Variants in CRHBP observed in about 807,000 individuals in gnomAD.
CRHBP encodes corticotropin releasing hormone binding protein.
Under a neutral mutation model 34.9 loss-of-function variants are expected in CRHBP, and 19 were observed. The ratio of observed to expected loss-of-function variants is 0.55; its 90% CI spans 0.38 to 0.80. CRHBP has a LOEUF of 0.80. Ranked by LOEUF, CRHBP falls within the 30% of genes least tolerant of loss-of-function variation. The pLI is 0.00. For missense variants in CRHBP, 328 were observed against 409.2 expected (o/e 0.80, Z 1.71); for synonymous variants, 154 against 153.4 (o/e 1.00, Z -0.03).
chr5:76,956,060 G>T (rs1745664072), intron 4 of CRHBP, among the ~76,000 whole-genome samples, 197 bp downstream of exon 4: 1 of 152,106 alleles, frequency 6.6e-6, no homozygotes, highest in Non-Finnish European at 1.5e-5. Context: ...TATTTCCCAG[G>T]TTAGGTAGTA....
chr5:76,970,735 T>G (rs1362571144), downstream of CRHBP, among the ~76,000 whole-genome samples: 1 of 152,210 alleles, frequency 6.6e-6, no homozygotes, highest in East Asian at 1.9e-4. Flanking sequence ...ACCTTCATGA[T>G]TCCCTCATGC....
At chr5:76,980,210 G>A (rs1022334027) in intron 3 of CRHBP, among the ~76,000 whole-genome samples, 8 of 134,954 alleles carry the variant, frequency 5.9e-5, no homozygotes, top group African/African-American at 1.1e-4. Context: ...AGCCGAGATC[G>A]CGCCACTGCA....
downstream of CRHBP, among the ~76,000 whole-genome samples, chr5:76,973,363 A>G (rs922570594): frequency 1.3e-5 from 2 of 152,376 alleles, no homozygotes; most frequent in East Asian, 3.9e-4. Flanking sequence ...ATAGTCTTAG[A>G]ACAGTGATCC....
chr5:76,957,071 T>G (rs1052914491), intron 4 of CRHBP, among the ~76,000 whole-genome samples: 2 of 152,192 alleles, frequency 1.3e-5, no homozygotes, highest in African/African-American at 4.8e-5. Flanking sequence ...CCAGGCGTGG[T>G]GGCTCATGCC....
intron 2 of CRHBP, 71 bp downstream of exon 2, chr5:76,953,765 G>A (rs2150703937): frequency 2.1e-6 from 3 of 1,459,760 alleles, no homozygotes; most frequent in Non-Finnish European, 2.8e-6. Flanking sequence ...GGGGGGCAGA[G>A]GGCTCGCGGA....
chr5:76,958,933 CTT>C (rs1196552685), intron 5 of CRHBP, 44 bp downstream of exon 5: 2 of 1,602,674 alleles, frequency 1.2e-6, no homozygotes, highest in South Asian at 2.2e-5. Flanking sequence ...AAGGCCACAA[CTT>C]TATCAGAGCA....
intron 6 of CRHBP, 74 bp downstream of exon 6, chr5:76,963,534 C>G: frequency 7.6e-7 from 1 of 1,320,494 alleles, no homozygotes; most frequent in Non-Finnish European, 1.1e-6. Flanking sequence ...CTAATATTTT[C>G]TACATTGGAA....
intron 6 of CRHBP, 59 bp downstream of exon 6, chr5:76,963,519 C>T: frequency 1.4e-6 from 2 of 1,443,340 alleles, no homozygotes; most frequent in Non-Finnish European, 1.9e-6. Flanking sequence ...AAAATAAGCA[C>T]TCCCCTAATA....
rs1244165823 is a variant in CRHBP, at chr5:76,954,093, C to T, written c.240C>T (p.His80=). The change falls in exon 3 of 7, where the codon CAC becomes CAT. Residue 80 remains histidine, a synonymous_variant. Coordinates refer to ENST00000274368, the MANE Select transcript of CRHBP (RefSeq NM_001882.4). ...TCACCGCCGACCGGCCGCAGCTGCACTGCGCAGCCTTCTTCATCAGCGAGC... is the reference window on the plus strand; with the variant it reads ...TCACCGCCGACCGGCCGCAGCTGCATTGCGCAGCCTTCTTCATCAGCGAGC... ...FTFTADRPQL[H]CAAFFISEPE... 1.2e-6 allele frequency: 2 copies of T among 1,614,044 alleles called. No homozygotes were observed. Among genetic ancestry groups the T allele is most frequent in the Admixed American group, 1.7e-5 (1 of 60,022 alleles).
At chr5:76,969,876 G>A (rs1745917475), downstream of CRHBP, among the ~76,000 whole-genome samples, 1 of 145,474 alleles carries the variant, frequency 6.9e-6, no homozygotes, top group Non-Finnish European at 1.5e-5. Flanking sequence ...AACTGAGTGT[G>A]TAGTATGTAA....
chr5:76,954,754 A>T (rs769152575), intron 3 of CRHBP, among the ~76,000 whole-genome samples: 2 of 152,158 alleles, frequency 1.3e-5, no homozygotes, highest in African/African-American at 2.4e-5. Context: ...AGATTGAGAT[A>T]GGTGGGAGGG....
At position 76,958,841 on chromosome 5, in the gene CRHBP, C is replaced by G. The variant is rs910062264; in HGVS notation, c.645C>G (p.Ile215Met). The G allele has an allele frequency of 4.3e-6, 7 of 1,613,898 alleles. No homozygotes were observed. Among genetic ancestry groups the G allele is most frequent in the Non-Finnish European group, 2.5e-6 (3 of 1,179,974 alleles). The change falls in exon 5 of 7, where the codon ATC (isoleucine) becomes ATG (methionine). Residue 215 changes from isoleucine (I) to methionine (M), a missense_variant. Ile to Met is a conservative substitution (Grantham distance 10). Coordinates refer to ENST00000274368, the MANE Select transcript of CRHBP (RefSeq NM_001882.4). The stretch of plus-strand genomic sequence containing the variant: ...TCTCCATAATTTATCCTGTGGTGAT[C>G]AAAATATCTGATCTTACCCTGGGAC... ...CSFSIIYPVVIKISDLTLGHV... is the reference protein window; with the variant it reads ...CSFSIIYPVVMKISDLTLGHV...
intron 5 of CRHBP, among the ~76,000 whole-genome samples, chr5:76,960,734 C>A (rs367703449): frequency 6.1e-4 from 93 of 151,906 alleles, no homozygotes; most frequent in African/African-American, 2.1e-3. Context: ...ACATTTGGTA[C>A]AAGGAATGTA....
chr5:76,980,485 G>GT (rs1433182282), intron 3 of CRHBP, among the ~76,000 whole-genome samples: 8 of 152,130 alleles, frequency 5.3e-5, no homozygotes, highest in African/African-American at 1.4e-4. Context: ...TTATTTTAGA[G>GT]TATTTGTCTG....
At position 76,955,725 on chromosome 5, in the gene CRHBP, C is replaced by A; in HGVS notation, c.406C>A (p.Arg136=). ...SQDHPLPSAE[R]YIDFCESGLS... is the part of the protein sequence containing the mutation. ...GGATCATCCTCTCCCCTCAGCTGAG[C>A]GGTACATAGATTTCTGTGAGAGTGG... The change falls in exon 4 of 7, where the codon CGG becomes AGG. Residue 136 remains arginine (R), a synonymous_variant. Transcript: ENST00000274368. The A allele has an allele frequency of 6.2e-7, 1 of 1,614,180 alleles. No homozygotes were observed. Among genetic ancestry groups the A allele is most frequent in the Non-Finnish European group, 8.5e-7 (1 of 1,180,020 alleles).
intron 6 of CRHBP, 118 bp from the exon 7 acceptor site, chr5:76,968,610 A>T: frequency 1.1e-6 from 1 of 932,462 alleles, no homozygotes; most frequent in Non-Finnish European, 1.6e-6. Flanking sequence ...TGGTTTGGGT[A>T]CATGAGAGGA....
downstream of CRHBP, among the ~76,000 whole-genome samples, chr5:76,971,689 T>C (rs1015527972): frequency 6.6e-6 from 1 of 152,234 alleles, no homozygotes; most frequent in Non-Finnish European, 1.5e-5. Flanking sequence ...ACTGCACTGC[T>C]CCAGGACCAA....
chr5:76,967,167 G>A (rs1745871486), intron 6 of CRHBP, among the ~76,000 whole-genome samples: 1 of 152,088 alleles, frequency 6.6e-6, no homozygotes, highest in African/African-American at 2.4e-5. Flanking sequence ...ACTTGAACCT[G>A]GGAGGCAGAG....
intron 5 of CRHBP, among the ~76,000 whole-genome samples, chr5:76,960,469 A>G (rs1745759340): frequency 6.6e-6 from 1 of 152,188 alleles, no homozygotes; most frequent in Non-Finnish European, 1.5e-5. Context: ...GAAAGAGTTC[A>G]GGGAGGAAAG....
Sources: allele counts gnomAD v4.1 joint callset (sites outside exome capture counted in the v4.1 genomes callset), GRCh38; gene constraint gnomAD v4.1.1; transcripts MANE v1.5; gene names NCBI Gene and HGNC (gene_info 2026-07-23, HGNC 2026-07-21).